The following UST variants were observed in gnomAD, a reference collection of about 807,000 sequenced individuals.
The protein encoded by UST is uronyl 2-sulfotransferase.
Under a neutral mutation model 45.6 loss-of-function variants are expected in UST, and 21 were observed. That is an observed-to-expected ratio of 0.46 (90% CI 0.33 to 0.66). UST has a LOEUF of 0.66. UST is among the 30% of genes least tolerant of loss of function. UST has a pLI of 0.02. For missense variants in UST, 463 were observed against 512.4 expected (o/e 0.90, Z 0.93); for synonymous variants, 215 against 200.6 (o/e 1.07, Z -0.61).
In UST at chr6:149,017,793, C is replaced by CATATATATAT. The variant is rs772511492; in HGVS notation, c.682-1339_682-1338insTATATATATA. Among the ~76,000 whole-genome samples the CATATATATAT allele has an allele frequency of 7.9e-3, 430 of 54,392 alleles. 2 individuals carry two copies. The highest frequency in any genetic ancestry group is 0.03 in the African/African-American group (414 of 13,780). The allele number at this position is 54,392 out of a possible 152,430, so 35.7% of individuals were successfully genotyped here. A position where few individuals can be genotyped will look rare whatever the true frequency, so the allele number is the denominator to read the frequency against. ...TAAACTCATTGCAGCAATGAATATC[C>CATATATATAT]ATATATACACACACACACACACACA... On this transcript the variant is annotated intron_variant, in intron 5 of 7. Transcript: ENST00000367463.
intron 7 of UST, among the ~76,000 whole-genome samples, chr6:149,044,328 A>AG (rs1346417991): frequency 6.6e-6 from 1 of 152,084 alleles, no homozygotes; most frequent in Admixed American, 6.5e-5. Context: ...TCAAAAAAAA[A>AG]CTCTTGTCAG....
chr6:148,877,686 G>A (rs1296585756), intron 1 of UST, among the ~76,000 whole-genome samples: 1 of 117,380 alleles, frequency 8.5e-6, no homozygotes, highest in African/African-American at 3.8e-5. Flanking sequence ...AGTGCAGGGG[G>A]TCATGTATGA....
chr6:148,842,573 G>C (rs73001114), intron 1 of UST, among the ~76,000 whole-genome samples: 1,600 of 152,314 alleles, frequency 0.011, 20 homozygotes, highest in Admixed American at 0.021. Context: ...AGGGAGTACA[G>C]AGCCCGAAGG....
chr6:148,862,419 A>G (rs1582859794), intron 1 of UST, among the ~76,000 whole-genome samples: 1 of 152,326 alleles, frequency 6.6e-6, no homozygotes, highest in Non-Finnish European at 1.5e-5. Context: ...TCTCCTGAAT[A>G]CAGCACACTG....
chr6:148,888,313 C>T (rs1409410871), intron 2 of UST, among the ~76,000 whole-genome samples: 2 of 152,146 alleles, frequency 1.3e-5, no homozygotes, highest in African/African-American at 2.4e-5. Context: ...CCCTCATGAT[C>T]CAGTCACCTC....
intron 7 of UST, among the ~76,000 whole-genome samples, chr6:149,039,993 C>T (rs1289481206): frequency 1.3e-5 from 2 of 152,172 alleles, no homozygotes; most frequent in South Asian, 2.1e-4. Flanking sequence ...ACTCACCGAG[C>T]GTGTCTGGGA....
intron 5 of UST, among the ~76,000 whole-genome samples, chr6:148,976,536 C>G (rs544577863): frequency 6.6e-6 from 1 of 152,302 alleles, no homozygotes; most frequent in East Asian, 1.9e-4. Context: ...CATTCAATTC[C>G]TCCGCCCTTC....
chr6:148,782,017 C>G (rs914898085), intron 1 of UST, among the ~76,000 whole-genome samples: 1 of 152,228 alleles, frequency 6.6e-6, no homozygotes, highest in East Asian at 1.9e-4. Flanking sequence ...CTTGCTAGCA[C>G]AACATCCATT....
chr6:148,857,388 G>A (rs984086002), intron 1 of UST, among the ~76,000 whole-genome samples: 9 of 152,140 alleles, frequency 5.9e-5, no homozygotes, highest in East Asian at 3.9e-4. Context: ...AAGGCACAGC[G>A]AATGTATTAC....
chr6:149,011,092 G>A (rs1467779455), intron 5 of UST, among the ~76,000 whole-genome samples: 4 of 151,938 alleles, frequency 2.6e-5, no homozygotes, highest in Non-Finnish European at 4.4e-5. Context: ...AAGGATATTC[G>A]CTAAAATAAA....
intron 7 of UST, among the ~76,000 whole-genome samples, chr6:149,025,629 C>G (rs1394677625): frequency 1.3e-5 from 2 of 152,188 alleles, no homozygotes; most frequent in Non-Finnish European, 2.9e-5. Context: ...ATAATTATTA[C>G]ATATGATCAC....
intron 5 of UST, among the ~76,000 whole-genome samples, chr6:148,987,690 T>C (rs943113039): frequency 7.2e-5 from 11 of 152,206 alleles, no homozygotes; most frequent in African/African-American, 2.7e-4. Context: ...TCTTAATTTA[T>C]TTTAAAAATT....
intron 7 of UST, among the ~76,000 whole-genome samples, chr6:149,036,532 G>C (rs527479121): frequency 1.3e-5 from 2 of 152,280 alleles, no homozygotes; most frequent in African/African-American, 4.8e-5. Flanking sequence ...GGCATTGAAG[G>C]CATGTAATCA....
At position 149,021,327 on chromosome 6, in the gene UST, G is replaced by A; in HGVS notation, c.783G>A (p.Glu261=). The part of the protein sequence containing the change: ...YFCGQHPRCR[E]PGEWALERAK... ...ATAAATTTTTATATCCATAAAGGGA[G>A]CCTGGTGAATGGGCCCTTGAGAGAG... The change falls in exon 7 of 8, where the codon GAG becomes GAA. Residue 261 remains glutamate, a synonymous_variant. Transcript: ENST00000367463. 6.2e-7 allele frequency: 1 copy of A among 1,610,454 alleles called. No homozygotes were observed. The highest frequency in any genetic ancestry group is 8.5e-7 in the Non-Finnish European group (1 of 1,178,076).
In UST at chr6:149,021,363, C is replaced by T. The variant is rs752158778; in HGVS notation, c.819C>T (p.Asn273=). 23 of 1,614,020 alleles carry T rather than the reference C, an allele frequency of 1.4e-5. No individual in the cohort carries two copies. Among genetic ancestry groups the T allele is most frequent in the East Asian group, 8.9e-5 (4 of 44,874 alleles). The part of the protein sequence containing the change: ...GEWALERAKL[N]VNENFLLVGI... ...GGGCCCTTGAGAGAGCAAAGCTGAA[C>T]GTGAATGAAAACTTCCTGCTCGTGG... Residue 273 remains asparagine (N), a synonymous_variant, in exon 7 of 8, where the codon AAC becomes AAT. Coordinates refer to ENST00000367463, the MANE Select transcript of UST (RefSeq NM_005715.3).
intron 2 of UST, among the ~76,000 whole-genome samples, chr6:148,938,913 A>G (rs933255332): frequency 7.2e-5 from 11 of 152,008 alleles, no homozygotes; most frequent in Non-Finnish European, 1.3e-4. Context: ...AGACATTCAT[A>G]TTGGAAAGGA....
intron 1 of UST, among the ~76,000 whole-genome samples, chr6:148,796,449 C>T (rs1023640562): frequency 6.6e-6 from 1 of 151,980 alleles, no homozygotes. Flanking sequence ...CATGGCGAAA[C>T]CCTGTCTCTA....
At chr6:149,064,201 A>T (rs1562344238) in intron 7 of UST, among the ~76,000 whole-genome samples, 1 of 152,160 alleles carries the variant, frequency 6.6e-6, no homozygotes, top group Non-Finnish European at 1.5e-5. Context: ...GTGAGCAGGC[A>T]TCTCCCTTAG....
chr6:148,759,527 A>T (rs997546116), intron 1 of UST, among the ~76,000 whole-genome samples: 2 of 149,590 alleles, frequency 1.3e-5, no homozygotes, highest in Non-Finnish European at 3.0e-5. Context: ...ACTCCATCCC[A>T]AAATAAATAA....
Sources: allele counts gnomAD v4.1 joint callset (sites outside exome capture counted in the v4.1 genomes callset), GRCh38; gene constraint gnomAD v4.1.1; transcripts MANE v1.5; gene names NCBI Gene and HGNC (gene_info 2026-07-23, HGNC 2026-07-21).